The following TMF1 variants were observed in gnomAD, a reference collection of about 807,000 sequenced individuals.
The protein encoded by TMF1 is TATA element modulatory factor.
Under a neutral mutation model 126.5 loss-of-function variants are expected in TMF1, and 71 were observed. The observed-to-expected ratio is 0.56, with a 90% CI of 0.46 to 0.68. TMF1 has a LOEUF of 0.68. TMF1 is among the 30% of genes least tolerant of loss of function. The pLI, the probability that TMF1 is intolerant of heterozygous loss-of-function variation, is 0.00. For synonymous variants in TMF1, 461 were observed against 430.5 expected (o/e 1.07, Z -0.88); for missense variants, 1,259 against 1,253.2 (o/e 1.00, Z -0.07).
intron 15 of TMF1, 21 bp from the exon 16 acceptor site, chr3:69,024,201 ATAGTT>A: frequency 1.9e-6 from 3 of 1,581,722 alleles, no homozygotes; most frequent in African/African-American, 2.7e-5. Context: ...TTACCACAAA[ATAGTT>A]TAAATCAAAA....
At position 69,039,802 on chromosome 3, in the gene TMF1, A is replaced by C. The variant is rs2091853559; in HGVS notation, c.1685-109T>G. ...AAAGAACAGAATTTTTTTAAATTACAATTTTGTAACCCACAATGTTACAAC... is the reference window on the plus strand; with the variant it reads ...AAAGAACAGAATTTTTTTAAATTACCATTTTGTAACCCACAATGTTACAAC... On this transcript the variant is annotated intron_variant, in intron 5 of 16. Coordinates refer to ENST00000398559, the MANE Select transcript of TMF1 (RefSeq NM_007114.3). The C allele has an allele frequency of 3.3e-6, 4 of 1,224,216 alleles. No individual in the cohort carries two copies. In the East Asian group the frequency reaches 7.8e-5, roughly 24 times the overall value. 75.8% of individuals were successfully genotyped at this position (1,224,216 alleles called of 1,614,324 possible).
intron 2 of TMF1, among the ~76,000 whole-genome samples, chr3:69,046,189 T>C (rs1432159510): frequency 6.6e-6 from 1 of 152,228 alleles, no homozygotes; most frequent in African/African-American, 2.4e-5. Flanking sequence ...TGTATCAGTA[T>C]AAAGCTAAAC....
At position 69,033,692 on chromosome 3, in the gene TMF1, C is replaced by T; in HGVS notation, c.2257G>A (p.Ala753Thr). ...CTCAGTTCCTGGTTTCGATTCTCTG[C>T]TTCCTGGAGTCTCTGAATCATGAAA... ...IGELQQRLQE[A>T]ENRNQELSQS... The change falls in exon 10 of 17, where the codon GCA becomes ACA. Residue 753 changes from alanine to threonine, a missense_variant. Transcript: ENST00000398559. 1 of 1,607,602 alleles carries T rather than the reference C, an allele frequency of 6.2e-7. No homozygotes were observed. The highest frequency in any genetic ancestry group is 1.3e-5 in the African/African-American group (1 of 74,660).
At chr3:69,041,475 A>T (rs1443219304) in intron 5 of TMF1, among the ~76,000 whole-genome samples, 1 of 152,228 alleles carries the variant, frequency 6.6e-6, no homozygotes, top group Non-Finnish European at 1.5e-5. Context: ...CTGTTCTCAA[A>T]CGCTACCCTT....
At chr3:69,027,800 C>T in intron 13 of TMF1, 100 bp downstream of exon 13, 1 of 613,146 alleles carries the variant, frequency 1.6e-6, no homozygotes, top group East Asian at 3.1e-5. Flanking sequence ...ACAGGTTGGA[C>T]AAGCTTGTTA....
chr3:69,044,482 G>A lies in TMF1; in HGVS notation c.1451+10C>T. The A allele has an allele frequency of 6.9e-7, 1 of 1,457,766 alleles. No homozygotes were observed. The highest frequency in any genetic ancestry group is 9.5e-7 in the Non-Finnish European group (1 of 1,056,754). The allele number at this position is 1,457,766 out of a possible 1,614,324, so 90.3% of individuals were successfully genotyped here. ...ATGTGTAACATTATTCACATTTGCA[G>A]AATACTTACTCTTTCAGGTTATCAA... On this transcript the variant is annotated intron_variant, in intron 3 of 16. Coordinates refer to ENST00000398559, the MANE Select transcript of TMF1 (RefSeq NM_007114.3).
chr3:69,026,027 A>T lies in TMF1; in HGVS notation c.2828T>A (p.Met943Lys). 6.2e-7 allele frequency: 1 copy of T among 1,614,098 alleles called. No homozygotes were observed. Among genetic ancestry groups the T allele is most frequent in the Non-Finnish European group, 8.5e-7 (1 of 1,179,948 alleles). Residue 943 changes from methionine to lysine, a missense_variant, in exon 14 of 17, where the codon ATG (methionine) becomes AAG (lysine). Transcript: ENST00000398559. ...CAGAAAAGATGTCTGTAGTCCTGCC[A>T]TATCAACACCACTTATTGAACTTGA... Reference protein sequence around the residue: ...SRSSSISGVDMAGLQTSFLSQ... With the variant: ...SRSSSISGVDKAGLQTSFLSQ...
Position 69,043,758 on chromosome 3 carries a change from C to A in TMF1, c.1570G>T (p.Ala524Ser). The A allele has an allele frequency of 6.2e-7, 1 of 1,604,870 alleles. No individual in the cohort carries two copies. The highest frequency in any genetic ancestry group is 8.5e-7 in the Non-Finnish European group (1 of 1,176,356). ...VQLACKERDA[A>S]KKEIKNIKEE... ...CTTTAAATTTCAATTACCTTTTTAG[C>A]AGCATCTCTCTCTTTGCAGGCTAGT... Residue 524 changes from alanine (A) to serine (S), a missense_variant, in exon 4 of 17, where the codon GCT becomes TCT. Coordinates refer to ENST00000398559, the MANE Select transcript of TMF1 (RefSeq NM_007114.3).
Position 69,052,002 on chromosome 3 carries a change from CCA to C in TMF1, c.83_84del (p.Leu28ArgfsTer41), listed in dbSNP as rs753208457. On this transcript the variant is annotated frameshift_variant, in exon 1 of 17. Coordinates refer to ENST00000398559, the MANE Select transcript of TMF1 (RefSeq NM_007114.3). LOFTEE classifies it high-confidence loss of function. ...ATGCTCGGCTCCTCTTCCTGGATGT[CCA>C]GAACCCTGTCAATAGACTTCTGGGC... ...SQAQKSIDRV[L>X]DIQEEEPSIW... The C allele has an allele frequency of 6.2e-7, 1 of 1,614,058 alleles. No individual in the cohort carries two copies. The highest frequency in any genetic ancestry group is 8.5e-7 in the Non-Finnish European group (1 of 1,179,998).
At chr3:69,032,571 G>A (rs895474797) in intron 10 of TMF1, among the ~76,000 whole-genome samples, 3 of 151,754 alleles carry the variant, frequency 2.0e-5, no homozygotes, top group Non-Finnish European at 2.9e-5. Flanking sequence ...CATCACAGAA[G>A]GGCAACCTGG....
Position 69,052,242 on chromosome 3 carries a change from T to G in TMF1, c.-156A>C. The G allele has an allele frequency of 1.2e-6, 1 of 805,636 alleles. No homozygotes were observed. The highest frequency in any genetic ancestry group is 1.8e-6 in the Non-Finnish European group (1 of 540,894). The allele number at this position is 805,636 out of a possible 1,614,324, so 49.9% of individuals were successfully genotyped here. ...CCGACAGCCTCCCGCGAGCCCGGGA[T>G]GTTACCCTCGGCCGTTCCCGCACAG... On this transcript the variant is annotated 5_prime_UTR_variant, in exon 1 of 17. Transcript: ENST00000398559.
chr3:69,030,976 C>A (rs1016295413), intron 10 of TMF1, among the ~76,000 whole-genome samples: 1 of 152,152 alleles, frequency 6.6e-6, no homozygotes, highest in Non-Finnish European at 1.5e-5. Flanking sequence ...TCTGTAATAG[C>A]CAGAGCTTGG....
Position 69,023,288 on chromosome 3 carries a change from C to A in TMF1, c.3171G>T (p.Gln1057His), listed in dbSNP as rs1053808388. 6.2e-7 allele frequency: 1 copy of A among 1,612,166 alleles called. No homozygotes were observed. The highest frequency in any genetic ancestry group is 2.2e-5 in the East Asian group (1 of 44,706). The part of the protein sequence containing the change: ...DLDQRYNTIL[Q>H]MYGEKAEEAE... Reference sequence around the variant, plus strand: ...CCTCTTCTGCTTTTTCTCCATACATCTGCAGAATAGTGTTGTACCTTTGAT... The same window carrying A: ...CCTCTTCTGCTTTTTCTCCATACATATGCAGAATAGTGTTGTACCTTTGAT... The change falls in exon 17 of 17, where the codon CAG becomes CAT. Residue 1057 changes from glutamine (Q) to histidine (H), a missense_variant. Physicochemically the swap from Gln to His is conservative, Grantham distance 24. Coordinates refer to ENST00000398559, the MANE Select transcript of TMF1 (RefSeq NM_007114.3).
At chr3:69,030,097 G>GC in intron 10 of TMF1, 90 bp from the exon 11 acceptor site, 1 of 1,137,076 alleles carries the variant, frequency 8.8e-7, no homozygotes, top group Non-Finnish European at 1.2e-6. Context: ...ATTTAATGAT[G>GC]CAAGTAGCCA....
intron 15 of TMF1, chr3:69,024,659 C>T (rs2091756877): frequency 6.6e-6 from 1 of 152,098 alleles, no homozygotes. Context: ...TACTTTTTGC[C>T]AATTCAAGTT....
intron 6 of TMF1, 35 bp downstream of exon 6, chr3:69,039,516 C>T: frequency 3.1e-6 from 5 of 1,594,942 alleles, no homozygotes; most frequent in Non-Finnish European, 4.3e-6. Context: ...GAAGTAATAA[C>T]AATATATATG....
chr3:69,047,534 C>A lies in TMF1; in HGVS notation c.1171G>T (p.Ala391Ser). ...NETLVIPTEE[A>S]EMEESGRSAT... Reference sequence around the variant, plus strand: ...CTTCGTCCACTTTCTTCCATTTCTGCTTCCTCAGTGGGTATAACTAATGTT... The same window carrying A: ...CTTCGTCCACTTTCTTCCATTTCTGATTCCTCAGTGGGTATAACTAATGTT... The change falls in exon 2 of 17, where the codon GCA becomes TCA. Residue 391 changes from alanine (A) to serine (S), a missense_variant. By Grantham distance (99) the Ala-to-Ser change is moderately conservative (BLOSUM62 1). Coordinates refer to ENST00000398559, the MANE Select transcript of TMF1 (RefSeq NM_007114.3). 6.2e-7 allele frequency: 1 copy of A among 1,614,148 alleles called. No homozygotes were observed. Among genetic ancestry groups the A allele is most frequent in the Non-Finnish European group, 8.5e-7 (1 of 1,180,032 alleles).
rs776630158 is a variant in TMF1, at chr3:69,043,739, A to C, written c.1578+11T>G. On this transcript the variant is annotated intron_variant, in intron 4 of 16. Transcript: ENST00000398559. Reference sequence around the variant, plus strand: ...TAGAGTTTAATTAATATTACTTTAAATTTCAATTACCTTTTTAGCAGCATC... The same window carrying C: ...TAGAGTTTAATTAATATTACTTTAACTTTCAATTACCTTTTTAGCAGCATC... 6.3e-7 allele frequency: 1 copy of C among 1,597,196 alleles called. No individual in the cohort carries two copies. The highest frequency in any genetic ancestry group is 1.1e-5 in the South Asian group (1 of 87,298).
At position 69,023,070 on chromosome 3, in the gene TMF1, G is replaced by T. The variant is rs2091748133; in HGVS notation, c.*107C>A. The T allele has an allele frequency of 1.6e-5, 18 of 1,135,552 alleles. No homozygotes were observed. Among genetic ancestry groups the T allele is most frequent in the Non-Finnish European group, 2.0e-5 (16 of 818,844 alleles). 70.3% of individuals were successfully genotyped at this position (1,135,552 alleles called of 1,614,324 possible). A position where few individuals can be genotyped will look rare whatever the true frequency, so the allele number is the denominator to read the frequency against. On this transcript the variant is annotated 3_prime_UTR_variant, in exon 17 of 17. Coordinates refer to ENST00000398559, the MANE Select transcript of TMF1 (RefSeq NM_007114.3). ...TTTAAAAAAATTTTTACACTCTACAGTAAATCCCACTTTCTAATTCTATAA... is the reference window on the plus strand; with the variant it reads ...TTTAAAAAAATTTTTACACTCTACATTAAATCCCACTTTCTAATTCTATAA...
Sources: gnomAD v4.1 joint callset for allele counts (sites outside exome capture counted in the v4.1 genomes callset) on GRCh38, gnomAD v4.1.1 for gene constraint, MANE v1.5 for transcripts, NCBI Gene and HGNC (gene_info 2026-07-23, HGNC 2026-07-21) for gene names.